The following HSPG2 variants were observed in gnomAD, a reference collection of about 807,000 sequenced individuals.
HSPG2 encodes the protein heparan sulfate proteoglycan 2.
Under a neutral mutation model 526.6 loss-of-function variants are expected in HSPG2, and 278 were observed. The observed-to-expected ratio is 0.53, with a 90% CI of 0.48 to 0.58. The LOEUF is 0.58. Among genes scored for constraint, HSPG2 ranks in the 20% least tolerant of loss-of-function variants. The pLI is 0.00. For synonymous variants in HSPG2, 2,465 were observed against 2,555.4 expected, an observed-to-expected ratio of 0.96 and a Z score of 1.07; for missense variants, 5,354 against 6,099.5, an observed-to-expected ratio of 0.88 and a Z score of 4.07.
At chr1:21,850,974 C>CTT (rs11431222) in intron 55 of HSPG2, among the ~76,000 whole-genome samples, 2,754 of 140,830 alleles carry the variant, frequency 0.02, 107 homozygotes, top group African/African-American at 0.067. Flanking sequence ...CTGTGAGGTA[C>CTT]TTTTTTTTTT....
intron 1 of HSPG2, among the ~76,000 whole-genome samples, chr1:21,936,900 G>C (rs564466696): frequency 9.7e-4 from 148 of 152,334 alleles, no homozygotes; most frequent in African/African-American, 3.4e-3. Flanking sequence ...GTGGCCGAGA[G>C]ACCCACGGGC....
intron 33 of HSPG2, among the ~76,000 whole-genome samples, chr1:21,866,649 C>T (rs987605828): frequency 4.6e-5 from 7 of 152,230 alleles, no homozygotes; most frequent in African/African-American, 1.7e-4. Flanking sequence ...CACTGTGTTG[C>T]TCATGACTGG....
chr1:21,896,134 C>G (rs375575598), intron 2 of HSPG2, 41 bp downstream of exon 2: 90 of 1,612,162 alleles, frequency 5.6e-5, no homozygotes, highest in Non-Finnish European at 7.1e-5. Flanking sequence ...CACAGTCTCA[C>G]CCCCCACCCC....
rs192797333 is a variant in HSPG2, at chr1:21,907,733, C to T, written c.64-11423G>A. 9.7e-3 allele frequency among the ~76,000 whole-genome samples: 1,474 copies of T among 152,158 alleles called. 11 individuals carry two copies. Among genetic ancestry groups the T allele is most frequent in the Non-Finnish European group, 0.014 (935 of 67,998 alleles). ...CTCGCTATGTTGCCCAGGCTGGTCT[C>T]GAACTCCTGGTTTCAAGCGATCCTC... On this transcript the variant is annotated intron_variant, in intron 1 of 96. Transcript: ENST00000374695.
intron 67 of HSPG2, 124 bp downstream of exon 67, chr1:21,842,646 G>T: frequency 7.6e-7 from 1 of 1,309,440 alleles, no homozygotes; most frequent in Non-Finnish European, 1.1e-6. Context: ...AACTCGTCCC[G>T]CAAACGTATT....
At position 21,836,859 on chromosome 1, in the gene HSPG2, C is replaced by A; in HGVS notation, c.10298G>T (p.Trp3433Leu). ...AGGCAGCTGACCCCCTTCCTTGAAC[C>A]AACGGAGCTGGGTACCCCGGTCGCT... is the stretch of plus-strand genomic sequence containing the variant. Reference protein sequence around the residue: ...VPSDRGTQLRWFKEGGQLPPG... With the variant: ...VPSDRGTQLRLFKEGGQLPPG... The change falls in exon 75 of 97, where the codon TGG becomes TTG. Residue 3433 changes from tryptophan to leucine, a missense_variant. Transcript: ENST00000374695. 4 of 1,581,884 alleles carry A rather than the reference C, an allele frequency of 2.5e-6. No homozygotes were observed. Among genetic ancestry groups the A allele is most frequent in the Non-Finnish European group, 2.6e-6 (3 of 1,164,286 alleles).
chr1:21,862,483 C>T (rs1218629548), intron 37 of HSPG2, among the ~76,000 whole-genome samples: 1 of 148,996 alleles, frequency 6.7e-6, no homozygotes, highest in Non-Finnish European at 1.5e-5. Context: ...ACTCAGGAGG[C>T]TGAGGCAGGA....
intron 1 of HSPG2, among the ~76,000 whole-genome samples, chr1:21,907,079 G>T (rs1369684833): frequency 1.3e-5 from 2 of 152,150 alleles, no homozygotes; most frequent in East Asian, 3.9e-4. Flanking sequence ...CACAGCCTGA[G>T]CCTTCCCTCC....
rs371533122 is a variant in HSPG2, at chr1:21,843,423, G to A, written c.8632C>T (p.Leu2878=). 20 of 1,612,996 alleles carry A rather than the reference G, an allele frequency of 1.2e-5. No individual in the cohort carries two copies. The Admixed American group carries it at 2.7e-4, about 22-fold the overall frequency. ...PARHQVHGPL[L]RLNQVSPADS... ...GCCGGGGACACCTGGTTCAGCCTCA[G>A]CAGTGGGCCGTGGACCTGGCCAAGG... Residue 2878 remains leucine, a synonymous_variant, in exon 66 of 97, where the codon CTG becomes TTG. Transcript: ENST00000374695.
In HSPG2 at chr1:21,839,310, G is replaced by T; in HGVS notation, c.9889+61C>A. 6.3e-7 allele frequency: 1 copy of T among 1,575,578 alleles called. No homozygotes were observed. Among genetic ancestry groups the T allele is most frequent in the Non-Finnish European group, 8.6e-7 (1 of 1,156,336 alleles). On this transcript the variant is annotated intron_variant, in intron 73 of 96. Transcript: ENST00000374695. This position sits in a 1 kb window ranked among gnomAD's most constrained non-coding sequence, Gnocchi z 4.5. ...GGTTCCTGGGGTTCTGTGTGGGGTGGAGCCTAGTCGGGGGGCTCAGATCTC... is the reference window on the plus strand; with the variant it reads ...GGTTCCTGGGGTTCTGTGTGGGGTGTAGCCTAGTCGGGGGGCTCAGATCTC...
chr1:21,875,578 T>C (rs763526024), intron 25 of HSPG2, 51 bp downstream of exon 25: 12 of 1,399,686 alleles, frequency 8.6e-6, no homozygotes, highest in Non-Finnish European at 1.1e-5. Flanking sequence ...ACCGCTTAGA[T>C]GGAGCCCCTC....
intron 9 of HSPG2, among the ~76,000 whole-genome samples, chr1:21,885,725 C>G (rs1641846168): frequency 6.6e-6 from 1 of 152,194 alleles, no homozygotes; most frequent in Non-Finnish European, 1.5e-5. Context: ...CACAGCATCA[C>G]CCAGCCACGC....
At chr1:21,853,870 A>C (rs1199342096) in intron 50 of HSPG2, 3 of 394,744 alleles carry the variant, frequency 7.6e-6, no homozygotes, top group Non-Finnish European at 1.4e-5. Flanking sequence ...GAGGCCCCAA[A>C]AGTTAAAAGC....
rs1054481284 is a variant in HSPG2 at position 21,889,991 on chromosome 1, G to C, written c.564C>G (p.Arg188=). ...VTSPQGFQFR[R]LGTVPQFPRA... Reference sequence around the variant, plus strand: ...CCAGGATAGGCTCACCTGTGCCCAGGCGTCGGAACTGGAATCCCTGGGGAG... The same window carrying C: ...CCAGGATAGGCTCACCTGTGCCCAGCCGTCGGAACTGGAATCCCTGGGGAG... The change falls in exon 6 of 97, where the codon CGC becomes CGG. Residue 188 remains arginine (R), a synonymous_variant. Transcript: ENST00000374695. The C allele has an allele frequency of 1.2e-6, 2 of 1,614,086 alleles. No homozygotes were observed. The highest frequency in any genetic ancestry group is 1.6e-4 in the Middle Eastern group (1 of 6,062).
intron 71 of HSPG2, among the ~76,000 whole-genome samples, chr1:21,840,629 C>T (rs375861242): frequency 2.6e-5 from 4 of 152,172 alleles, no homozygotes; most frequent in East Asian, 1.9e-4. Flanking sequence ...TTAGTAGAGA[C>T]GGGGTTTCAC....
Position 21,851,561 on chromosome 1 carries a change from G to C in HSPG2, c.7143C>G (p.Leu2381=), listed in dbSNP as rs1446450624. 9.3e-6 allele frequency: 15 copies of C among 1,614,016 alleles called. No individual in the cohort carries two copies. The highest frequency in any genetic ancestry group is 1.3e-5 in the Non-Finnish European group (15 of 1,180,048). ...QVTWHKRGGS[L]PVRHQTHGSL... ...AGTCCCATACCTGGTGCCGGACAGGGAGGCTGCCCCCACGCTTGTGCCACG... is the reference window on the plus strand; with the variant it reads ...AGTCCCATACCTGGTGCCGGACAGGCAGGCTGCCCCCACGCTTGTGCCACG... Residue 2381 remains leucine (L), a synonymous_variant, in exon 55 of 97, where the codon CTC becomes CTG. Coordinates refer to ENST00000374695, the MANE Select transcript of HSPG2 (RefSeq NM_005529.7).
At chr1:21,829,863 G>T (rs2152690743) in intron 86 of HSPG2, 130 bp downstream of exon 86, 3 of 869,472 alleles carry the variant, frequency 3.5e-6, no homozygotes, top group East Asian at 5.3e-5. Flanking sequence ...ATGTGGCCAG[G>T]TGACTTCGAG....
intron 1 of HSPG2, among the ~76,000 whole-genome samples, chr1:21,899,030 G>C (rs1642942366): frequency 1.3e-5 from 2 of 152,132 alleles, no homozygotes; most frequent in Admixed American, 6.5e-5. Flanking sequence ...GCAGGGAGAG[G>C]GGAAAGAGAG....
Position 21,898,905 on chromosome 1 carries a change from C to T in HSPG2, c.64-2595G>A, listed in dbSNP as rs1642931658. Among the ~76,000 whole-genome samples the T allele has an allele frequency of 6.6e-6, 1 of 152,242 alleles. No homozygotes were observed. The highest frequency in any genetic ancestry group is 1.5e-5 in the Non-Finnish European group (1 of 68,048). On this transcript the variant is annotated intron_variant, in intron 1 of 96. Coordinates refer to ENST00000374695, the MANE Select transcript of HSPG2 (RefSeq NM_005529.7). The surrounding 1 kb of genome is among the most constrained non-coding windows in gnomAD (Gnocchi z 4.0). ...GGTGAATGATGAGCAAGGTCCAGAG[C>T]TTTTCCCAGGGAGCAGGGAGCTGGT... is the stretch of plus-strand genomic sequence containing the variant.
Sources: allele counts gnomAD v4.1 joint callset (sites outside exome capture counted in the v4.1 genomes callset), GRCh38; gene constraint gnomAD v4.1.1; non-coding constraint Gnocchi (gnomAD v3.1); transcripts MANE v1.5; gene names NCBI Gene and HGNC (gene_info 2026-07-23, HGNC 2026-07-21).